INPP4B: variants seen among roughly 807,000 people sequenced by gnomAD.
INPP4B encodes inositol polyphosphate 4-phosphatase type II.
Under a neutral mutation model 122.5 loss-of-function variants are expected in INPP4B, and 55 were observed. The ratio of observed to expected loss-of-function variants is 0.45; its 90% CI spans 0.36 to 0.56. The LOEUF (loss-of-function observed/expected upper bound fraction) is 0.56, where lower values mean the gene tolerates loss of function less well. INPP4B is among the 20% of genes least tolerant of loss of function. INPP4B has a pLI of 0.00. For missense variants in INPP4B, 1,000 were observed against 1,097.7 expected (o/e 0.91, Z 1.26); for synonymous variants, 403 against 388.7 (o/e 1.04, Z -0.43).
intron 2 of INPP4B, among the ~76,000 whole-genome samples, chr4:142,545,033 A>C (rs568618973): frequency 1.3e-5 from 2 of 152,292 alleles, no homozygotes; most frequent in East Asian, 1.9e-4. Context: ...TGTTCACACA[A>C]ATCTACATTT....
In INPP4B at chr4:142,764,544, T is replaced by C. The variant is rs185038007; in HGVS notation, c.-253-38643A>G. 2.0e-5 allele frequency among the ~76,000 whole-genome samples: 3 copies of C among 152,212 alleles called. No individual in the cohort carries two copies. The East Asian group carries it at 5.8e-4, about 29-fold the overall frequency. ...AGATCCCACCCTGTGAACATAACCATCTTGTTTTGACAAGAACAAAGAGAA... is the reference window on the plus strand; with the variant it reads ...AGATCCCACCCTGTGAACATAACCACCTTGTTTTGACAAGAACAAAGAGAA... On this transcript the variant is annotated intron_variant, in intron 1 of 25. Coordinates refer to ENST00000262992, the MANE Select transcript of INPP4B (RefSeq NM_001101669.3).
intron 2 of INPP4B, among the ~76,000 whole-genome samples, chr4:142,630,247 T>C (rs1747641251): frequency 6.6e-6 from 1 of 152,122 alleles, no homozygotes; most frequent in Admixed American, 6.6e-5. Context: ...CTGTTATAGT[T>C]CTTTCTAAGA....
chr4:142,600,933 GA>G (rs747669843), intron 2 of INPP4B, among the ~76,000 whole-genome samples: 2 of 151,432 alleles, frequency 1.3e-5, no homozygotes, highest in African/African-American at 2.4e-5. Context: ...CTAACAGCAG[GA>G]AAAAAAGGCA....
At chr4:142,609,765 A>G (rs901632631) in intron 2 of INPP4B, among the ~76,000 whole-genome samples, 2 of 152,142 alleles carry the variant, frequency 1.3e-5, no homozygotes, top group Non-Finnish European at 2.9e-5. Flanking sequence ...GAATAGGAAA[A>G]CTGTTTCTTG....
rs534032184 is a variant in INPP4B at position 142,031,258 on chromosome 4, T to C, written c.2643-2344A>G. 3.9e-5 allele frequency among the ~76,000 whole-genome samples: 6 copies of C among 152,288 alleles called. No individual in the cohort carries two copies. In the South Asian group the frequency reaches 1.0e-3, roughly 26 times the overall value. On this transcript the variant is annotated intron_variant, in intron 25 of 25. Coordinates refer to ENST00000262992, the MANE Select transcript of INPP4B (RefSeq NM_001101669.3). The stretch of plus-strand genomic sequence containing the variant: ...GGGATATTCTCTATTAGCTCTTCTA[T>C]GTTTTCAGGCAAAAAACTGATTGTG...
chr4:142,156,660 A>G (rs1261821485), intron 17 of INPP4B, among the ~76,000 whole-genome samples: 2 of 152,144 alleles, frequency 1.3e-5, no homozygotes, highest in Admixed American at 1.3e-4. Flanking sequence ...TTTAGTTTCA[A>G]TCTTTACCAT....
chr4:142,759,853 A>G (rs983595459), intron 1 of INPP4B, among the ~76,000 whole-genome samples: 2 of 147,178 alleles, frequency 1.4e-5, no homozygotes, highest in Non-Finnish European at 3.0e-5. Flanking sequence ...AAAAAAAAAA[A>G]TTTAATTGCC....
chr4:142,675,658 T>C (rs1044763610), intron 2 of INPP4B, among the ~76,000 whole-genome samples: 1 of 152,128 alleles, frequency 6.6e-6, no homozygotes, highest in African/African-American at 2.4e-5. Flanking sequence ...CACAATCAAG[T>C]CAGCTTCATC....
chr4:142,063,826 GA>G (rs1762205988), intron 25 of INPP4B, among the ~76,000 whole-genome samples: 1 of 152,046 alleles, frequency 6.6e-6, no homozygotes, highest in South Asian at 2.1e-4. Flanking sequence ...AAATATTTAT[GA>G]AAAAACTAAA....
chr4:142,583,711 C>A (rs575560969), intron 2 of INPP4B: 10 of 152,198 alleles, frequency 6.6e-5, no homozygotes, highest in Non-Finnish European at 1.5e-4. Context: ...TTTAATTTAA[C>A]AAGTATATTG....
intron 16 of INPP4B, among the ~76,000 whole-genome samples, chr4:142,169,623 A>G (rs1446837747): frequency 4.6e-5 from 7 of 151,710 alleles, no homozygotes; most frequent in Admixed American, 2.6e-4. Flanking sequence ...TTGGTATAGT[A>G]TATTGAGGTT....
chr4:142,443,558 C>G (rs919513690), intron 3 of INPP4B, among the ~76,000 whole-genome samples: 1 of 152,062 alleles, frequency 6.6e-6, no homozygotes, highest in African/African-American at 2.4e-5. Flanking sequence ...CCCCAAGACC[C>G]AAGAACATCG....
chr4:142,705,472 C>CAT (rs1410218934), intron 2 of INPP4B, among the ~76,000 whole-genome samples: 24 of 145,492 alleles, frequency 1.6e-4, no homozygotes, highest in Admixed American at 4.0e-4. Context: ...CACACACACA[C>CAT]ACACACACAC....
In INPP4B at chr4:142,274,247, A is replaced by G. The variant is rs542080182; in HGVS notation, c.504-3473T>C. Among the ~76,000 whole-genome samples, 15 of 152,000 alleles carry G rather than the reference A, an allele frequency of 9.9e-5. No homozygotes were observed. In the East Asian group the frequency reaches 2.9e-3, roughly 29 times the overall value. ...AAAGAGAGTTCTGTGCTAGGAATCA[A>G]GAAATCCAGGTTCTACTTCTGACTC... On this transcript the variant is annotated intron_variant, in intron 9 of 25. Coordinates refer to ENST00000262992, the MANE Select transcript of INPP4B (RefSeq NM_001101669.3).
intron 25 of INPP4B, among the ~76,000 whole-genome samples, chr4:142,074,129 T>C (rs1254228191): frequency 6.6e-6 from 1 of 152,062 alleles, no homozygotes; most frequent in African/African-American, 2.4e-5. Flanking sequence ...ATAAAGCACA[T>C]TTTTAAAAAA....
At chr4:142,534,274 T>A (rs975832910) in intron 2 of INPP4B, among the ~76,000 whole-genome samples, 9 of 152,148 alleles carry the variant, frequency 5.9e-5, no homozygotes, top group African/African-American at 2.2e-4. Context: ...ATGGTTTGGA[T>A]GATGGTGACA....
intron 2 of INPP4B, among the ~76,000 whole-genome samples, chr4:142,602,670 T>A (rs1740296855): frequency 6.6e-6 from 1 of 152,152 alleles, no homozygotes; most frequent in Non-Finnish European, 1.5e-5. Flanking sequence ...TGAGATATCA[T>A]CTCACACCAG....
At chr4:142,580,527 C>T (rs150991132) in intron 2 of INPP4B, among the ~76,000 whole-genome samples, 4 of 152,038 alleles carry the variant, frequency 2.6e-5, no homozygotes, top group Non-Finnish European at 4.4e-5. Flanking sequence ...AGACTTCACA[C>T]GACAGCTGTG....
chr4:142,840,171 G>A (rs1187047554), intron 1 of INPP4B, among the ~76,000 whole-genome samples: 2 of 152,098 alleles, frequency 1.3e-5, no homozygotes, highest in African/African-American at 4.8e-5. Context: ...GGTCACTGGT[G>A]ACCGGGTCAT....
Sources: allele counts gnomAD v4.1 joint callset (sites outside exome capture counted in the v4.1 genomes callset), GRCh38; gene constraint gnomAD v4.1.1; transcripts MANE v1.5; gene names NCBI Gene and HGNC (gene_info 2026-07-23, HGNC 2026-07-21).